RAB25: variants seen among roughly 807,000 people sequenced by gnomAD.
RAB25 encodes RAB25, member RAS oncogene family, also known as ras-related protein Rab-25.
Under a neutral mutation model 25.2 loss-of-function variants are expected in RAB25, and 23 were observed. The observed-to-expected ratio is 0.91, with a 90% CI of 0.66 to 1.29. The LOEUF (loss-of-function observed/expected upper bound fraction) is 1.29. Among genes scored for constraint, RAB25 ranks in the 50% most tolerant of loss-of-function variants. The pLI is 0.00. For missense variants in RAB25, 244 were observed against 277.3 expected (o/e 0.88, Z 0.85); for synonymous variants, 102 against 111.5 (o/e 0.91, Z 0.54).
Position 156,062,475 on chromosome 1 carries a change from A to G in RAB25, c.43+1032A>G, listed in dbSNP as rs149520207. Among the ~76,000 whole-genome samples, 7 of 151,908 alleles carry G rather than the reference A, an allele frequency of 4.6e-5. No individual in the cohort carries two copies. In the East Asian group the frequency reaches 1.4e-3, roughly 29 times the overall value. The stretch of plus-strand genomic sequence containing the variant: ...CCACCCTACCCCAATGCCTCTCCCA[A>G]CCTCAGCCCGGCCCCTCCCTTGAGC... On this transcript the variant is annotated intron_variant, in intron 1 of 4. Coordinates refer to ENST00000361084, the MANE Select transcript of RAB25 (RefSeq NM_020387.4).
At chr1:156,070,089 T>TG (rs1274177582) in intron 4 of RAB25, 71 bp from the exon 5 acceptor site, 57 of 1,610,128 alleles carry the variant, frequency 3.5e-5, no homozygotes, top group East Asian at 8.9e-5. Context: ...GCAGTATGTA[T>TG]GGGGGGGTTG....
intron 3 of RAB25, among the ~76,000 whole-genome samples, chr1:156,069,458 C>T (rs1647842251): frequency 6.6e-6 from 1 of 152,144 alleles, no homozygotes; most frequent in East Asian, 1.9e-4. Flanking sequence ...GGATTACAGG[C>T]GTGAGCCACC....
chr1:156,062,853 A>G lies in RAB25; in HGVS notation c.43+1410A>G, dbSNP rs556955921. 1.1e-4 allele frequency among the ~76,000 whole-genome samples: 16 copies of G among 152,106 alleles called. No individual in the cohort carries two copies. In the East Asian group the frequency reaches 2.5e-3, roughly 24 times the overall value. On this transcript the variant is annotated intron_variant, in intron 1 of 4. Coordinates refer to ENST00000361084, the MANE Select transcript of RAB25 (RefSeq NM_020387.4). ...GGGATCACTTAAGGTCTGGAGTTCC[A>G]GACCAGCCTGGCCAACATGGGGAAA...
rs767430596 is a variant in RAB25, at chr1:156,066,148, G to A, written c.239+42G>A. ...GGGGCTGCTGGGTGGTGGGAGTTCT[G>A]GGGAAGTCGAGGAACACTTCTGGAG... On this transcript the variant is annotated intron_variant, in intron 2 of 4. Coordinates refer to ENST00000361084, the MANE Select transcript of RAB25 (RefSeq NM_020387.4). 3.4e-6 allele frequency: 5 copies of A among 1,477,936 alleles called. No homozygotes were observed. In the Admixed American group the frequency reaches 9.9e-5, roughly 29 times the overall value. 91.6% of individuals were successfully genotyped at this position (1,477,936 alleles called of 1,614,324 possible).
chr1:156,067,786 C>T (rs907286353), intron 2 of RAB25, among the ~76,000 whole-genome samples: 1 of 152,172 alleles, frequency 6.6e-6, no homozygotes, highest in Non-Finnish European at 1.5e-5. Flanking sequence ...AATTTTCACT[C>T]TTGTTGCCGA....
intron 1 of RAB25, among the ~76,000 whole-genome samples, chr1:156,065,141 T>C (rs1029566556): frequency 1.3e-5 from 2 of 152,216 alleles, no homozygotes; most frequent in African/African-American, 2.4e-5. Context: ...TTTTTACACT[T>C]ACTATATCCT....
At chr1:156,068,743 C>A (rs1647826024) in intron 3 of RAB25, among the ~76,000 whole-genome samples, 1 of 141,868 alleles carries the variant, frequency 7.0e-6, no homozygotes, top group South Asian at 2.2e-4. Context: ...GGCTAGAGTG[C>A]AGTGGTGCGA....
At chr1:156,061,808 G>A (rs1053737311) in intron 1 of RAB25, among the ~76,000 whole-genome samples, 7 of 151,904 alleles carry the variant, frequency 4.6e-5, no homozygotes, top group African/African-American at 7.3e-5. Flanking sequence ...TTTCTGAGAC[G>A]GAGTCTTGCT....
intron 1 of RAB25, among the ~76,000 whole-genome samples, chr1:156,065,433 C>T: frequency 6.6e-6 from 1 of 152,168 alleles, no homozygotes; most frequent in Non-Finnish European, 1.5e-5. Flanking sequence ...TGATTCACAC[C>T]TCTGTTCCTT....
intron 1 of RAB25, among the ~76,000 whole-genome samples, chr1:156,062,834 ACTTAAGGTCTGGAGTTCCAGAC>A (rs1478563709): frequency 6.6e-6 from 1 of 151,928 alleles, no homozygotes; most frequent in Non-Finnish European, 1.5e-5. Flanking sequence ...CGGCGGGATC[ACTTAAGGTCTGGAGTTCCAGAC>A]CAGCCTGGCC....
chr1:156,061,489 A>G (rs752627340), intron 1 of RAB25, 46 bp downstream of exon 1: 1 of 1,592,326 alleles, frequency 6.3e-7, no homozygotes, highest in South Asian at 1.1e-5. Flanking sequence ...GAGACCCAGA[A>G]AGAGATTGAA....
intron 3 of RAB25, among the ~76,000 whole-genome samples, 186 bp downstream of exon 3, chr1:156,068,649 A>G (rs755753737): frequency 6.9e-6 from 1 of 144,836 alleles, no homozygotes; most frequent in Non-Finnish European, 1.5e-5. Flanking sequence ...GTCTCCCATG[A>G]TGTCCCACCA....
At chr1:156,066,141 G>A (rs1249296365) in intron 2 of RAB25, 35 bp downstream of exon 2, 1 of 1,489,302 alleles carries the variant, frequency 6.7e-7, no homozygotes, top group Non-Finnish European at 9.0e-7. Context: ...TGGGTGGTGG[G>A]AGTTCTGGGG....
intron 1 of RAB25, among the ~76,000 whole-genome samples, 156 bp downstream of exon 1, chr1:156,061,599 G>A (rs1253599986): frequency 2.0e-5 from 3 of 152,068 alleles, no homozygotes; most frequent in Non-Finnish European, 2.9e-5. Flanking sequence ...GTGGGGGAGG[G>A]TCTGGTTGCA....
intron 1 of RAB25, among the ~76,000 whole-genome samples, chr1:156,062,958 A>C (rs1050145701): frequency 4.0e-5 from 6 of 149,834 alleles, no homozygotes; most frequent in Non-Finnish European, 7.4e-5. Flanking sequence ...GGAGGCTGAG[A>C]CAGGAGAATC....
At chr1:156,068,206 TG>T in intron 2 of RAB25, 63 bp from the exon 3 acceptor site, 1 of 1,406,666 alleles carries the variant, frequency 7.1e-7, no homozygotes, top group Admixed American at 1.7e-5. Context: ...TTGACGGCTC[TG>T]CTCTGATGCT....
chr1:156,067,152 G>A lies in RAB25; in HGVS notation c.239+1046G>A, dbSNP rs528014149. ...GGAGGCTGAGACAGGAGAATCACTCGAACCTGGGAGGTGGAGGTTGCAGTG... is the reference window on the plus strand; with the variant it reads ...GGAGGCTGAGACAGGAGAATCACTCAAACCTGGGAGGTGGAGGTTGCAGTG... On this transcript the variant is annotated intron_variant, in intron 2 of 4. Transcript: ENST00000361084. Among the ~76,000 whole-genome samples, 287 of 149,762 alleles carry A rather than the reference G, an allele frequency of 1.9e-3. 2 individuals are homozygous for A. Among genetic ancestry groups the A allele is most frequent in the Non-Finnish European group, 3.2e-3 (215 of 67,728 alleles).
intron 2 of RAB25, 88 bp downstream of exon 2, chr1:156,066,194 G>C: frequency 6.4e-6 from 7 of 1,086,512 alleles, no homozygotes; most frequent in Non-Finnish European, 8.7e-6. Context: ...GGAGGAGGAG[G>C]CAAGGGGGCT....
chr1:156,066,195 C>G, intron 2 of RAB25, 89 bp downstream of exon 2: 2 of 1,085,298 alleles, frequency 1.8e-6, no homozygotes, highest in South Asian at 2.9e-5. Flanking sequence ...GAGGAGGAGG[C>G]AAGGGGGCTC....
Sources: allele counts gnomAD v4.1 joint callset (sites outside exome capture counted in the v4.1 genomes callset), GRCh38; gene constraint gnomAD v4.1.1; transcripts MANE v1.5; gene names NCBI Gene and HGNC (gene_info 2026-07-23, HGNC 2026-07-21).